PPP1R16B: variants seen among roughly 807,000 people sequenced by gnomAD.
PPP1R16B encodes the protein protein phosphatase 1 regulatory subunit 16B.
PPP1R16B carries 14 observed loss-of-function variants against 61.7 expected under a neutral mutation model. The observed-to-expected ratio is 0.23, with a 90% CI of 0.15 to 0.35. PPP1R16B has a LOEUF of 0.35. Among genes scored for constraint, PPP1R16B ranks in the 10% least tolerant of loss-of-function variants. The pLI is 1.00. For synonymous variants in PPP1R16B, 266 were observed against 305.3 expected, an observed-to-expected ratio of 0.87 and a Z score of 1.34; for missense variants, 547 against 752.5, an observed-to-expected ratio of 0.73 and a Z score of 3.19.
chr20:38,840,006 CA>C (rs2084899537), intron 2 of PPP1R16B, among the ~76,000 whole-genome samples: 1 of 152,202 alleles, frequency 6.6e-6, no homozygotes, highest in Non-Finnish European at 1.5e-5. Context: ...ATGGGGCAGC[CA>C]AGTGAGGGGA....
intron 2 of PPP1R16B, among the ~76,000 whole-genome samples, chr20:38,877,604 A>C (rs1601282530): frequency 6.6e-6 from 1 of 152,024 alleles, no homozygotes; most frequent in Admixed American, 6.6e-5. Flanking sequence ...GAGTCACCAC[A>C]CCCAGCCTAT....
intron 2 of PPP1R16B, among the ~76,000 whole-genome samples, chr20:38,874,647 C>T (rs1300042712): frequency 1.3e-5 from 2 of 152,172 alleles, no homozygotes; most frequent in Non-Finnish European, 2.9e-5. Flanking sequence ...CCCTTTCATC[C>T]CTTGGGCTCA....
rs140327298 is a variant in PPP1R16B, at chr20:38,886,861, A to G, written c.251-2734A>G. On this transcript the variant is annotated intron_variant, in intron 2 of 10. Coordinates refer to ENST00000299824, the MANE Select transcript of PPP1R16B (RefSeq NM_015568.4). ...TGTACCAGGCTTTAGGGATAGAGCCATAAGTACCAGGTCATGGTTCTGCCC... is the reference window on the plus strand; with the variant it reads ...TGTACCAGGCTTTAGGGATAGAGCCGTAAGTACCAGGTCATGGTTCTGCCC... Among the ~76,000 whole-genome samples the G allele has an allele frequency of 1.3e-3, 202 of 152,368 alleles. 1 individual carries two copies. The highest frequency in any genetic ancestry group is 2.0e-3 in the Non-Finnish European group (137 of 68,036).
chr20:38,912,947 A>G (rs1377259252), intron 10 of PPP1R16B, among the ~76,000 whole-genome samples: 1 of 151,686 alleles, frequency 6.6e-6, no homozygotes. Flanking sequence ...TTCGTTCACT[A>G]TAGCCTCTGC....
At position 38,922,867 on chromosome 20, in the gene PPP1R16B, T is replaced by A. The variant is rs1216864738; in HGVS notation, c.*4201T>A. 6.6e-6 allele frequency: 1 copy of A among 152,420 alleles called. No homozygotes were observed. The highest frequency in any genetic ancestry group is 1.9e-4 in the East Asian group (1 of 5,202). The allele number at this position is 152,420 out of a possible 1,614,324, so 9.4% of individuals were successfully genotyped here. A position where few individuals can be genotyped will look rare whatever the true frequency, so the allele number is the denominator to read the frequency against. ...CTGAGGTAACTTCCACGTAGCCCCT[T>A]GCCACGCGGCACCGGTGGGCCTTGG... On this transcript the variant is annotated 3_prime_UTR_variant, in exon 11 of 11. Transcript: ENST00000299824.
intron 10 of PPP1R16B, among the ~76,000 whole-genome samples, chr20:38,913,841 G>C (rs2085511285): frequency 6.6e-6 from 1 of 152,182 alleles, no homozygotes. Context: ...TTTACCCTCA[G>C]GGTGAGTCAA....
At chr20:38,810,202 G>C (rs2145701141) in intron 1 of PPP1R16B, among the ~76,000 whole-genome samples, 1 of 152,342 alleles carries the variant, frequency 6.6e-6, no homozygotes, top group African/African-American at 2.4e-5. Flanking sequence ...ATGTGCAGAG[G>C]CACCGAGGCT....
At chr20:38,896,790 C>T (rs1036915248) in intron 4 of PPP1R16B, among the ~76,000 whole-genome samples, 4 of 152,108 alleles carry the variant, frequency 2.6e-5, no homozygotes, top group African/African-American at 9.7e-5. Context: ...CCCCTGGCTC[C>T]TGGCGACCAC....
intron 2 of PPP1R16B, chr20:38,873,066 G>A (rs2085141279): frequency 2.0e-5 from 3 of 152,298 alleles, no homozygotes; most frequent in African/African-American, 7.2e-5. Context: ...CCAGGGCAGT[G>A]GCACCCTTAG....
chr20:38,859,486 T>C (rs2085032359), intron 2 of PPP1R16B, among the ~76,000 whole-genome samples: 1 of 152,190 alleles, frequency 6.6e-6, no homozygotes, highest in Admixed American at 6.5e-5. Flanking sequence ...TCAAGCCACA[T>C]ATGTAACTGT....
chr20:38,818,221 G>A lies in PPP1R16B; in HGVS notation c.-102+12429G>A, dbSNP rs557830349. Among the ~76,000 whole-genome samples the A allele has an allele frequency of 5.6e-4, 85 of 152,272 alleles. 1 individual carries two copies. The highest frequency in any genetic ancestry group is 1.9e-4 in the Non-Finnish European group (13 of 68,014). On this transcript the variant is annotated intron_variant, in intron 1 of 10. Transcript: ENST00000299824. ...TCCTTTTACTAATATATCCAGTGGG[G>A]GTAATGATGCCTGTTTCTAAGACTC... is the stretch of plus-strand genomic sequence containing the variant.
Position 38,918,606 on chromosome 20 carries a change from G to A in PPP1R16B, c.1644G>A (p.Lys548=). ...TVTSGDPPLL[K]FKAPIEEMEE... ...CCAGCGGAGATCCCCCACTCTTAAA[G>A]TTCAAGGCCCCCATAGAGGAGATGG... Residue 548 remains lysine (K), a synonymous_variant, in exon 11 of 11, where the codon AAG becomes AAA. Coordinates refer to ENST00000299824, the MANE Select transcript of PPP1R16B (RefSeq NM_015568.4). The surrounding 1 kb of genome is among the most constrained non-coding windows in gnomAD (Gnocchi z 5.3). 1 of 1,527,528 alleles carries A rather than the reference G, an allele frequency of 6.5e-7. No homozygotes were observed. The highest frequency in any genetic ancestry group is 8.8e-7 in the Non-Finnish European group (1 of 1,138,490). The allele number at this position is 1,527,528 out of a possible 1,614,324, so 94.6% of individuals were successfully genotyped here.
At position 38,918,134 on chromosome 20, in the gene PPP1R16B, A is replaced by G; in HGVS notation, c.1195-23A>G. On this transcript the variant is annotated intron_variant, in intron 10 of 10. Coordinates refer to ENST00000299824, the MANE Select transcript of PPP1R16B (RefSeq NM_015568.4). This position sits in a 1 kb window ranked among gnomAD's most constrained non-coding sequence, Gnocchi z 5.3. The stretch of plus-strand genomic sequence containing the variant: ...GGTTCAGATCTTCCAGCCAGCTGGT[A>G]ATGTTGTCCTTCTCACTCGCAGAAC... 1.2e-6 allele frequency: 2 copies of G among 1,609,692 alleles called. No homozygotes were observed. Among genetic ancestry groups the G allele is most frequent in the African/African-American group, 1.3e-5 (1 of 74,954 alleles).
intron 4 of PPP1R16B, among the ~76,000 whole-genome samples, chr20:38,899,484 T>C (rs2085375244): frequency 6.6e-6 from 1 of 152,222 alleles, no homozygotes; most frequent in African/African-American, 2.4e-5. Flanking sequence ...CCCAAGATGC[T>C]GCATTTTATT....
intron 2 of PPP1R16B, among the ~76,000 whole-genome samples, chr20:38,884,428 C>T (rs1032972899): frequency 6.6e-6 from 1 of 152,176 alleles, no homozygotes; most frequent in East Asian, 1.9e-4. Flanking sequence ...TAGTAAATAT[C>T]GTAGGCCACG....
chr20:38,905,802 A>AT (rs1366124790), intron 6 of PPP1R16B, among the ~76,000 whole-genome samples, 167 bp from the exon 7 acceptor site: 2 of 152,166 alleles, frequency 1.3e-5, no homozygotes, highest in Non-Finnish European at 2.9e-5. Flanking sequence ...TTAAGTCCAT[A>AT]TTTCAGACTT....
At position 38,918,638 on chromosome 20, in the gene PPP1R16B, A is replaced by T; in HGVS notation, c.1676A>T (p.Lys559Met). The T allele has an allele frequency of 6.6e-7, 1 of 1,517,290 alleles. No homozygotes were observed. Among genetic ancestry groups the T allele is most frequent in the Non-Finnish European group, 8.8e-7 (1 of 1,134,004 alleles). 94.0% of individuals were successfully genotyped at this position (1,517,290 alleles called of 1,614,324 possible). A position where few individuals can be genotyped will look rare whatever the true frequency, so the allele number is the denominator to read the frequency against. ...FKAPIEEMEE[K>M]VHGCCRIS ...GCCCCCATAGAGGAGATGGAGGAGAAGGTGCATGGCTGTTGCCGTATCTCC... is the reference window on the plus strand; with the variant it reads ...GCCCCCATAGAGGAGATGGAGGAGATGGTGCATGGCTGTTGCCGTATCTCC... The change falls in exon 11 of 11, where the codon AAG (lysine) becomes ATG (methionine). Residue 559 changes from lysine to methionine, a missense_variant. Physicochemically the swap from Lys to Met is moderately conservative, Grantham distance 95. Transcript: ENST00000299824. This position sits in a 1 kb window ranked among gnomAD's most constrained non-coding sequence, Gnocchi z 5.3.
chr20:38,822,504 C>CTTTTT (rs972450839), intron 1 of PPP1R16B, among the ~76,000 whole-genome samples: 141 of 104,150 alleles, frequency 1.4e-3, no homozygotes, highest in East Asian at 2.0e-3. Context: ...GCCTTCCAAT[C>CTTTTT]TTTTTTTTTT....
At chr20:38,821,062 T>A (rs62202503) in intron 1 of PPP1R16B, among the ~76,000 whole-genome samples, 1 of 151,400 alleles carries the variant, frequency 6.6e-6, no homozygotes, top group Admixed American at 6.6e-5. Flanking sequence ...AAAAAAAATT[T>A]GGCCATTCTG....
Sources: allele counts gnomAD v4.1 joint callset (sites outside exome capture counted in the v4.1 genomes callset), GRCh38; gene constraint gnomAD v4.1.1; non-coding constraint Gnocchi (gnomAD v3.1); transcripts MANE v1.5; gene names NCBI Gene and HGNC (gene_info 2026-07-23, HGNC 2026-07-21).